Variants in NOTCH1 observed in about 807,000 individuals in gnomAD.
NOTCH1 encodes notch receptor 1.
NOTCH1 carries 37 observed loss-of-function variants against 254.8 expected under a neutral mutation model. The observed-to-expected ratio is 0.15, with a 90% confidence interval of 0.11 to 0.19. NOTCH1 has a LOEUF of 0.19. Ranked by LOEUF, NOTCH1 falls within the 10% of genes least tolerant of loss-of-function variation. The probability of loss-of-function intolerance (pLI) is 1.00; values close to 1 mark genes in which losing one functional copy is unlikely to be tolerated. For missense variants in NOTCH1, 2,972 were observed against 3,708.6 expected, an observed-to-expected ratio of 0.80 and a Z score of 5.16; for synonymous variants, 1,731 against 1,618.1, an observed-to-expected ratio of 1.07 and a Z score of -1.68.
At chr9:136,538,006 G>T (rs1396317397) in intron 2 of NOTCH1, among the ~76,000 whole-genome samples, 1 of 152,174 alleles carries the variant, frequency 6.6e-6, no homozygotes, top group Non-Finnish European at 1.5e-5. Flanking sequence ...CGTGAATCTG[G>T]GAGGCAGAGG....
intron 12 of NOTCH1, 21 bp downstream of exon 12, chr9:136,515,269 C>G (rs1328209891): frequency 6.2e-7 from 1 of 1,607,254 alleles, no homozygotes; most frequent in South Asian, 1.1e-5. Context: ...GCAGTCAGCC[C>G]CCACGTGCAG....
In NOTCH1 at chr9:136,505,294, A is replaced by G. The variant is rs2133338404; in HGVS notation, c.4586+16T>C. ...GTTCAGGTCCTCCCTCAGCCCCATG[A>G]GCCCCGCAGCCTTACTTGCACTGGC... On this transcript the variant is annotated intron_variant, in intron 25 of 33. Coordinates refer to ENST00000651671, the MANE Select transcript of NOTCH1 (RefSeq NM_017617.5). 2 of 1,557,132 alleles carry G rather than the reference A, an allele frequency of 1.3e-6. No homozygotes were observed. The highest frequency in any genetic ancestry group is 1.4e-5 in the African/African-American group (1 of 73,514).
chr9:136,520,181 C>T, intron 4 of NOTCH1, among the ~76,000 whole-genome samples: 1 of 152,192 alleles, frequency 6.6e-6, no homozygotes, highest in Admixed American at 6.5e-5. Flanking sequence ...ATCCACTCAA[C>T]TCCCGCTGGT....
Position 136,510,865 on chromosome 9 carries a change from C to T in NOTCH1, c.2588-60G>A, listed in dbSNP as rs968037398. 3.8e-6 allele frequency: 6 copies of T among 1,596,362 alleles called. No homozygotes were observed. In the Admixed American group the frequency reaches 5.0e-5, roughly 13 times the overall value. On this transcript the variant is annotated intron_variant, in intron 16 of 33. Transcript: ENST00000651671. ...GGCCCCTGGCCCTCCAGGCCCTTCCCAGGCTGGCCCACCCACCTACAGTGC... is the reference window on the plus strand; with the variant it reads ...GGCCCCTGGCCCTCCAGGCCCTTCCTAGGCTGGCCCACCCACCTACAGTGC...
intron 25 of NOTCH1, 92 bp downstream of exon 25, chr9:136,505,218 G>A: frequency 3.9e-6 from 6 of 1,524,248 alleles, no homozygotes; most frequent in East Asian, 2.4e-5. Context: ...CCCCTGAGCA[G>A]AGCCTTAGAA....
chr9:136,501,252 G>A (rs1842990367), intron 30 of NOTCH1, among the ~76,000 whole-genome samples: 1 of 152,096 alleles, frequency 6.6e-6, no homozygotes, highest in East Asian at 1.9e-4. Context: ...TGGCCAACAT[G>A]GTGAAACCCC....
At position 136,514,654 on chromosome 9, in the gene NOTCH1, T is replaced by C. The variant is rs2133361118; in HGVS notation, c.2063A>G (p.His688Arg). 6.2e-7 allele frequency: 1 copy of C among 1,612,524 alleles called. No homozygotes were observed. Among genetic ancestry groups the C allele is most frequent in the African/African-American group, 1.3e-5 (1 of 75,024 alleles). ...NIDECAGNPC[H>R]NGGTCEDGIN... is the part of the protein sequence containing the mutation. ...GCCGTCCTCGCAGGTGCCCCCGTTG[T>C]GGCAGGGGTTGCCCGCACACTCATC... The change falls in exon 13 of 34, where the codon CAC becomes CGC. Residue 688 changes from histidine to arginine, a missense_variant. Coordinates refer to ENST00000651671, the MANE Select transcript of NOTCH1 (RefSeq NM_017617.5).
At position 136,508,946 on chromosome 9, in the gene NOTCH1, T is replaced by C. The variant is rs1397562033; in HGVS notation, c.3095A>G (p.His1032Arg). 29 of 1,550,858 alleles carry C rather than the reference T, an allele frequency of 1.9e-5. No individual in the cohort carries two copies. The highest frequency in any genetic ancestry group is 2.0e-5 in the Non-Finnish European group (23 of 1,147,904). The change falls in exon 19 of 34, where the codon CAT becomes CGT. Residue 1032 changes from histidine (H) to arginine (R), a missense_variant. By Grantham distance (29) the His-to-Arg change is conservative (BLOSUM62 0). This residue lies in a region of NOTCH1 where 1,343 missense variants were observed against 1,557.0 expected (regional missense o/e 0.86). Coordinates refer to ENST00000651671, the MANE Select transcript of NOTCH1 (RefSeq NM_017617.5). ...VNECDSQPCL[H>R]GGTCQDGCGS... The stretch of plus-strand genomic sequence containing the variant: ...GCAGCCGTCCTGACAGGTGCCGCCA[T>C]GCAGGCAGGGCTGTGAGTCGCACTC...
At chr9:136,538,960 C>T (rs909270980) in intron 2 of NOTCH1, among the ~76,000 whole-genome samples, 3 of 152,212 alleles carry the variant, frequency 2.0e-5, no homozygotes, top group African/African-American at 7.2e-5. Flanking sequence ...AGGGTGCAGT[C>T]CCTCGGCCCG....
In NOTCH1 at chr9:136,513,426, A is replaced by T. The variant is rs1843214231; in HGVS notation, c.2319T>A (p.Ser773Arg). 3.7e-6 allele frequency: 6 copies of T among 1,612,858 alleles called. No homozygotes were observed. The highest frequency in any genetic ancestry group is 5.1e-6 in the Non-Finnish European group (6 of 1,180,016). ...VNGGTCKDMT[S>R]GYVCTCREGF... ...CCTCCCGGCAGGTGCACACGTAGCC[A>T]CTGGTCATGTCTTTGCAGGTGCCGC... is the stretch of plus-strand genomic sequence containing the variant. The change falls in exon 14 of 34, where the codon AGT becomes AGA. Residue 773 changes from serine to arginine, a missense_variant. Ser to Arg is a moderately radical substitution (Grantham distance 110). Coordinates refer to ENST00000651671, the MANE Select transcript of NOTCH1 (RefSeq NM_017617.5). The surrounding 1 kb of genome is among the most constrained non-coding windows in gnomAD (Gnocchi z 4.7).
At position 136,513,841 on chromosome 9, in the gene NOTCH1, C is replaced by A. The variant is rs1051490110; in HGVS notation, c.2208-304G>T. 1.3e-5 allele frequency among the ~76,000 whole-genome samples: 2 copies of A among 152,190 alleles called. No individual in the cohort carries two copies. The highest frequency in any genetic ancestry group is 2.4e-5 in the African/African-American group (1 of 41,450). ...AATTAGCCAGGTGTGGTGGCACATG[C>A]CTGTAATCTCAGCTACTCGGGAGGC... On this transcript the variant is annotated intron_variant, in intron 13 of 33. Transcript: ENST00000651671. This position sits in a 1 kb window ranked among gnomAD's most constrained non-coding sequence, Gnocchi z 4.7.
rs573496809 is a variant in NOTCH1, at chr9:136,507,250, G to C, written c.3643+55C>G. The C allele has an allele frequency of 2.4e-5, 39 of 1,611,822 alleles. No individual in the cohort carries two copies. The African/African-American group carries it at 4.3e-4, about 18-fold the overall frequency. On this transcript the variant is annotated intron_variant, in intron 22 of 33. Coordinates refer to ENST00000651671, the MANE Select transcript of NOTCH1 (RefSeq NM_017617.5). ...TGGCCGGTCCCGGGGTGCCTGCCCT[G>C]CCCCTGCCCTGGCCATGGATGGCCA...
chr9:136,513,427 C>T lies in NOTCH1; in HGVS notation c.2318G>A (p.Ser773Asn). ...VNGGTCKDMT[S>N]GYVCTCREGF... is the part of the protein sequence containing the mutation. The stretch of plus-strand genomic sequence containing the variant: ...CTCCCGGCAGGTGCACACGTAGCCA[C>T]TGGTCATGTCTTTGCAGGTGCCGCC... Residue 773 changes from serine to asparagine, a missense_variant, in exon 14 of 34, where the codon AGT (serine) becomes AAT (asparagine). Physicochemically the swap from Ser to Asn is conservative, Grantham distance 46. Coordinates refer to ENST00000651671, the MANE Select transcript of NOTCH1 (RefSeq NM_017617.5). The surrounding 1 kb of genome is among the most constrained non-coding windows in gnomAD (Gnocchi z 4.7). The T allele has an allele frequency of 1.2e-6, 2 of 1,613,024 alleles. No homozygotes were observed. The highest frequency in any genetic ancestry group is 1.1e-5 in the South Asian group (1 of 91,090).
At position 136,497,103 on chromosome 9, in the gene NOTCH1, G is replaced by A. The variant is rs370606059; in HGVS notation, c.6636C>T (p.Asp2212=). ...AGGGCAGCAGTGGCGGCGAGGCCACGTCTGACAGGTAGCCATGGGGTGACT... is the reference window on the plus strand; with the variant it reads ...AGGGCAGCAGTGGCGGCGAGGCCACATCTGACAGGTAGCCATGGGGTGACT... The part of the protein sequence containing the change: ...SLESPHGYLS[D]VASPPLLPSP... Residue 2212 remains aspartate, a synonymous_variant, in exon 34 of 34, where the codon GAC becomes GAT. Transcript: ENST00000651671. 591 of 1,611,084 alleles carry A rather than the reference G, an allele frequency of 3.7e-4. No homozygotes were observed. Among genetic ancestry groups the A allele is most frequent in the Admixed American group, 9.0e-4 (54 of 59,994 alleles).
rs2133363374 is a variant in NOTCH1, at chr9:136,515,510, G to A, written c.1876C>T (p.Leu626Phe). 6.2e-7 allele frequency: 1 copy of A among 1,612,010 alleles called. No individual in the cohort carries two copies. The highest frequency in any genetic ancestry group is 8.5e-7 in the Non-Finnish European group (1 of 1,179,818). ...GTGGTCCCCTTCAGGCAGAAGCAGA[G>A]GTAGGCGTTGTCGCGGTCCTGGCAG... The part of the protein sequence containing the change: ...GTCQDRDNAY[L>F]CFCLKGTTGP... Residue 626 changes from leucine (L) to phenylalanine (F), a missense_variant, in exon 11 of 34, where the codon CTC (leucine) becomes TTC (phenylalanine). Physicochemically the swap from Leu to Phe is conservative, Grantham distance 22. Transcript: ENST00000651671.
rs1843108617 is a variant in NOTCH1, at chr9:136,507,554, G to C, written c.3511-117C>G. On this transcript the variant is annotated intron_variant, in intron 21 of 33. Coordinates refer to ENST00000651671, the MANE Select transcript of NOTCH1 (RefSeq NM_017617.5). ...ATGAGCTGCCCTCAGGTCCAGCGAA[G>C]CCACGGGCCCCTCGCTCCTGTCAGA... 5 of 1,410,880 alleles carry C rather than the reference G, an allele frequency of 3.5e-6. No homozygotes were observed. In the South Asian group the frequency reaches 6.1e-5, roughly 17 times the overall value. 87.4% of individuals were successfully genotyped at this position (1,410,880 alleles called of 1,614,324 possible). A position where few individuals can be genotyped will look rare whatever the true frequency, so the allele number is the denominator to read the frequency against.
intron 2 of NOTCH1, chr9:136,543,430 C>T (rs1336622449): frequency 3.9e-6 from 1 of 253,890 alleles, no homozygotes; most frequent in African/African-American, 2.4e-5. Flanking sequence ...GCATCACCCG[C>T]CCAGGAGGTG....
chr9:136,497,000 G>C lies in NOTCH1; in HGVS notation c.6739C>G (p.Leu2247Val), dbSNP rs377165086. The part of the protein sequence containing the change: ...MPDTHLGIGH[L>V]NVAAKPEMAA... Reference sequence around the variant, plus strand: ...ATCTCGGGCTTGGCCGCCACGTTCAGGTGCCCGATGCCCAGGTGGGTGTCG... The same window carrying C: ...ATCTCGGGCTTGGCCGCCACGTTCACGTGCCCGATGCCCAGGTGGGTGTCG... The change falls in exon 34 of 34, where the codon CTG becomes GTG. Residue 2247 changes from leucine to valine, a missense_variant. This residue lies in a region of NOTCH1 where 529 missense variants were observed against 529.2 expected (regional missense o/e 1.00). Coordinates refer to ENST00000651671, the MANE Select transcript of NOTCH1 (RefSeq NM_017617.5). The C allele has an allele frequency of 2.9e-5, 47 of 1,610,112 alleles. No homozygotes were observed. Among genetic ancestry groups the C allele is most frequent in the South Asian group, 2.9e-4 (26 of 90,992 alleles).
intron 4 of NOTCH1, 82 bp from the exon 5 acceptor site, chr9:136,519,647 C>T: frequency 6.3e-7 from 1 of 1,596,726 alleles, no homozygotes; most frequent in Non-Finnish European, 8.6e-7. Flanking sequence ...CTGCTCTGGA[C>T]ACAAGAGCCT....
Sources: gnomAD v4.1 joint callset for allele counts (sites outside exome capture counted in the v4.1 genomes callset) on GRCh38, gnomAD v4.1.1 for gene constraint, gnomAD v4.1.1 regional missense constraint, Gnocchi (gnomAD v3.1) non-coding constraint, MANE v1.5 for transcripts, NCBI Gene and HGNC (gene_info 2026-07-23, HGNC 2026-07-21) for gene names.